The following TMEM232 variants were observed in gnomAD, a reference collection of about 807,000 sequenced individuals.
TMEM232 encodes transmembrane protein 232.
In TMEM232, 80 loss-of-function variants were observed where a neutral mutation model predicts 78.8. The observed-to-expected ratio is 1.01, with a 90% CI of 0.85 to 1.22. The LOEUF (loss-of-function observed/expected upper bound fraction) is 1.22. Ranked by LOEUF, TMEM232 falls within the 50% of genes most tolerant of loss-of-function variation. TMEM232 has a pLI of 0.00. For missense variants in TMEM232, 881 were observed against 742.2 expected (o/e 1.19, Z -2.17); for synonymous variants, 297 against 254.3 (o/e 1.17, Z -1.60).
At chr5:110,711,420 T>C (rs1045743060) in intron 1 of TMEM232, among the ~76,000 whole-genome samples, 2 of 152,064 alleles carry the variant, frequency 1.3e-5, no homozygotes, top group African/African-American at 4.8e-5. Context: ...ATCCTAAAAT[T>C]TATATGAAAC....
At chr5:110,512,940 C>G (rs986056627) in intron 12 of TMEM232, among the ~76,000 whole-genome samples, 6 of 152,150 alleles carry the variant, frequency 3.9e-5, no homozygotes, top group Admixed American at 1.3e-4. Flanking sequence ...CATCATGTTA[C>G]TATGAATGGA....
At chr5:110,512,344 G>A (rs1042405848) in intron 12 of TMEM232, among the ~76,000 whole-genome samples, 11 of 152,110 alleles carry the variant, frequency 7.2e-5, no homozygotes, top group Admixed American at 6.5e-5. Context: ...AACTTTTGGT[G>A]GACAACCAAC....
At chr5:110,485,249 G>T (rs552747826) in intron 12 of TMEM232, among the ~76,000 whole-genome samples, 1 of 152,068 alleles carries the variant, frequency 6.6e-6, no homozygotes, top group Non-Finnish European at 1.5e-5. Context: ...CCTACTAGGC[G>T]TAAGTAACAA....
intron 3 of TMEM232, among the ~76,000 whole-genome samples, chr5:110,391,623 G>C (rs1755200388): frequency 1.3e-5 from 2 of 152,008 alleles, no homozygotes; most frequent in African/African-American, 4.8e-5. Flanking sequence ...AAAGGATTTG[G>C]GATGGAAAGT....
At chr5:110,395,718 G>A (rs757606906) in intron 3 of TMEM232, among the ~76,000 whole-genome samples, 20 of 152,046 alleles carry the variant, frequency 1.3e-4, no homozygotes, top group Non-Finnish European at 2.6e-4. Flanking sequence ...TATTTAGCTG[G>A]GCATGTGACA....
intron 12 of TMEM232, among the ~76,000 whole-genome samples, chr5:110,482,718 G>A (rs903210642): frequency 7.9e-5 from 12 of 151,590 alleles, no homozygotes; most frequent in Admixed American, 3.3e-4. Flanking sequence ...ACATGAATGA[G>A]TAAAAATAAA....
chr5:110,453,028 G>A (rs921089650), intron 12 of TMEM232, among the ~76,000 whole-genome samples: 2 of 152,168 alleles, frequency 1.3e-5, no homozygotes, highest in Non-Finnish European at 2.9e-5. Context: ...AAAAACTGGA[G>A]CTATTAGTAG....
At chr5:110,428,191 CA>C (rs1178594955) in intron 12 of TMEM232, among the ~76,000 whole-genome samples, 2 of 151,632 alleles carry the variant, frequency 1.3e-5, no homozygotes, top group East Asian at 3.9e-4. Flanking sequence ...TCCATGAGTT[CA>C]ATTGTTTTGA....
intron 13 of TMEM232, among the ~76,000 whole-genome samples, chr5:110,423,780 CGTGTGTGTGT>C (rs146104536): frequency 3.9e-4 from 55 of 142,486 alleles, no homozygotes; most frequent in African/African-American, 1.1e-3. Flanking sequence ...TTTATGCGTG[CGTGTGTGTGT>C]GTGTGTGTGT....
intron 12 of TMEM232, among the ~76,000 whole-genome samples, chr5:110,488,197 A>G (rs564959798): frequency 8.6e-5 from 13 of 152,010 alleles, no homozygotes; most frequent in African/African-American, 2.4e-4. Context: ...GTCCGTTTTA[A>G]TATCTCCTGT....
At chr5:110,595,558 A>G (rs1217760698) in intron 10 of TMEM232, among the ~76,000 whole-genome samples, 1 of 152,218 alleles carries the variant, frequency 6.6e-6, no homozygotes, top group Non-Finnish European at 1.5e-5. Context: ...TAACTAGAAT[A>G]TCCAGTTTAG....
intron 12 of TMEM232, among the ~76,000 whole-genome samples, chr5:110,476,926 G>T (rs557386731): frequency 6.6e-6 from 1 of 151,974 alleles, no homozygotes. Context: ...GGATGATAAC[G>T]TAGATGGTGT....
intron 12 of TMEM232, among the ~76,000 whole-genome samples, chr5:110,476,468 A>C (rs563960907): frequency 6.6e-6 from 1 of 152,054 alleles, no homozygotes; most frequent in African/African-American, 2.4e-5. Context: ...AACCATGAGT[A>C]AATAAATTTC....
chr5:110,601,509 T>G (rs540305693), intron 10 of TMEM232, among the ~76,000 whole-genome samples: 4 of 150,282 alleles, frequency 2.7e-5, no homozygotes, highest in Admixed American at 2.7e-4. Flanking sequence ...ACACCAATGA[T>G]AGACAGCACA....
At position 110,490,090 on chromosome 5, in the gene TMEM232, C is replaced by T. The variant is rs553572635; in HGVS notation, c.1703+38498G>A. 3.1e-3 allele frequency among the ~76,000 whole-genome samples: 456 copies of T among 145,770 alleles called. 3 individuals are homozygous for T. The highest frequency in any genetic ancestry group is 0.011 in the African/African-American group (435 of 39,774). On this transcript the variant is annotated intron_variant, in intron 12 of 13. Transcript: ENST00000455884. The stretch of plus-strand genomic sequence containing the variant: ...AGTGAGCTGAGATCACACCATTGCA[C>T]TCCAGCCTGACTGAGTGAAACTCCG...
chr5:110,455,106 G>T (rs1486686581), intron 12 of TMEM232, among the ~76,000 whole-genome samples: 1 of 152,010 alleles, frequency 6.6e-6, no homozygotes, highest in Admixed American at 6.6e-5. Context: ...TACTCAAGAA[G>T]AAATGGATAG....
chr5:110,408,715 G>A (rs893133667), intron 2 of TMEM232, among the ~76,000 whole-genome samples: 2 of 151,948 alleles, frequency 1.3e-5, no homozygotes, highest in African/African-American at 4.8e-5. Context: ...ACCCAAATAA[G>A]TAACATCAGG....
chr5:110,475,445 ATTTTTTTTT>A (rs61667699), intron 12 of TMEM232, among the ~76,000 whole-genome samples: 2 of 110,150 alleles, frequency 1.8e-5, no homozygotes, highest in Non-Finnish European at 3.5e-5. Flanking sequence ...TTATACTTTG[ATTTTTTTTT>A]TTTTTTTTTT....
chr5:110,599,419 G>A (rs900656997), intron 10 of TMEM232, among the ~76,000 whole-genome samples: 6 of 152,088 alleles, frequency 3.9e-5, no homozygotes, highest in Non-Finnish European at 7.4e-5. Context: ...CTGTATTCAC[G>A]AGACCCATCT....
Sources: allele counts gnomAD v4.1 joint callset (sites outside exome capture counted in the v4.1 genomes callset), GRCh38; gene constraint gnomAD v4.1.1; transcripts MANE v1.5; gene names NCBI Gene and HGNC (gene_info 2026-07-23, HGNC 2026-07-21).